CTNNA2: variants seen among roughly 807,000 people sequenced by gnomAD.
The protein encoded by CTNNA2 is catenin alpha 2.
A neutral mutation model predicts 101.0 loss-of-function variants in CTNNA2; 42 were observed. That is an observed-to-expected ratio of 0.42 (90% CI 0.32 to 0.54). CTNNA2 has a LOEUF of 0.54. Ranked by LOEUF, CTNNA2 falls within the 20% of genes least tolerant of loss-of-function variation. The probability of loss-of-function intolerance (pLI) is 0.14; values close to 1 mark genes in which losing one functional copy is unlikely to be tolerated. For missense variants in CTNNA2, 871 were observed against 1,223.1 expected, an observed-to-expected ratio of 0.71 and a Z score of 4.29; for synonymous variants, 450 against 456.4, an observed-to-expected ratio of 0.99 and a Z score of 0.18.
At chr2:80,087,383 C>T (rs1180928726) in intron 7 of CTNNA2, among the ~76,000 whole-genome samples, 4 of 152,012 alleles carry the variant, frequency 2.6e-5, no homozygotes, top group Non-Finnish European at 4.4e-5. Flanking sequence ...ATGTCTGTTT[C>T]CATTAAGAAA....
chr2:80,051,432 A>G (rs1013156543), intron 7 of CTNNA2, among the ~76,000 whole-genome samples: 2 of 152,244 alleles, frequency 1.3e-5, no homozygotes, highest in African/African-American at 4.8e-5. Flanking sequence ...GGACTTAGGT[A>G]AATCTTACTC....
In CTNNA2 at chr2:80,081,135, A is replaced by G. The variant is rs146801318; in HGVS notation, c.1056+171338A>G. ...AAAAGCGTGGTCGGGTGAGGAGCAA[A>G]TGCTTAAAGAACTTCCCCTTAATAA... is the stretch of plus-strand genomic sequence containing the variant. On this transcript the variant is annotated intron_variant, in intron 7 of 18. Coordinates refer to ENST00000402739, the MANE Select transcript of CTNNA2 (RefSeq NM_001282597.3). Among the ~76,000 whole-genome samples, 50 of 151,574 alleles carry G rather than the reference A, an allele frequency of 3.3e-4. 2 individuals are homozygous for G. The East Asian group carries it at 8.7e-3, about 26-fold the overall frequency.
At chr2:80,213,528 G>C (rs1708047168) in intron 7 of CTNNA2, among the ~76,000 whole-genome samples, 1 of 152,190 alleles carries the variant, frequency 6.6e-6, no homozygotes, top group South Asian at 2.1e-4. Flanking sequence ...GCAGTTTTGA[G>C]TGAGTTTCTT....
intron 7 of CTNNA2, among the ~76,000 whole-genome samples, chr2:79,982,442 A>G (rs1691441265): frequency 6.8e-6 from 1 of 147,890 alleles, no homozygotes; most frequent in South Asian, 2.1e-4. Context: ...ACATATATAT[A>G]ACAGAATCTG....
intron 7 of CTNNA2, among the ~76,000 whole-genome samples, chr2:80,285,127 G>GAA (rs1674657028): frequency 6.6e-6 from 1 of 152,096 alleles, no homozygotes; most frequent in Non-Finnish European, 1.5e-5. Flanking sequence ...GCCATGACCT[G>GAA]GCTTCATGGA....
At chr2:79,748,876 GTGT>G (rs1671816324) in intron 3 of CTNNA2, among the ~76,000 whole-genome samples, 1 of 152,048 alleles carries the variant, frequency 6.6e-6, no homozygotes. Context: ...ACTGGAGTAG[GTGT>G]TGTGCTGAAC....
chr2:79,320,150 G>A (rs1319827631), intron 3 of CTNNA2: 1 of 152,092 alleles, frequency 6.6e-6, no homozygotes, highest in African/African-American at 2.4e-5. Flanking sequence ...CAGAGACCAG[G>A]CAGCTTCATC....
chr2:79,905,092 T>C (rs1208375766), intron 6 of CTNNA2, among the ~76,000 whole-genome samples: 1 of 152,196 alleles, frequency 6.6e-6, no homozygotes, highest in Non-Finnish European at 1.5e-5. Flanking sequence ...TGAATTATTG[T>C]GGCTGTTATC....
At chr2:80,364,563 T>A (rs1674730088) in intron 7 of CTNNA2, among the ~76,000 whole-genome samples, 2 of 148,986 alleles carry the variant, frequency 1.3e-5, no homozygotes, top group South Asian at 4.2e-4. Flanking sequence ...GTAATTTTTT[T>A]TTTTTTTTTT....
chr2:80,586,437 T>C (rs1695977150), intron 14 of CTNNA2: 1 of 152,180 alleles, frequency 6.6e-6, no homozygotes. Context: ...GCGAATGTTT[T>C]AAATGATGCT....
At chr2:79,505,493 T>C (rs960064434) in intron 5 of CTNNA2, among the ~76,000 whole-genome samples, 3 of 152,222 alleles carry the variant, frequency 2.0e-5, no homozygotes, top group Non-Finnish European at 4.4e-5. Flanking sequence ...TAGTTATTTT[T>C]CAGAATCCAT....
In CTNNA2 at chr2:80,601,706, T is replaced by G. The variant is rs948030199; in HGVS notation, c.2190-2368T>G. 6.6e-5 allele frequency: 10 copies of G among 152,180 alleles called. No individual in the cohort carries two copies. In the South Asian group the frequency reaches 2.1e-3, roughly 31 times the overall value. The allele number at this position is 152,180 out of a possible 1,614,324, so 9.4% of individuals were successfully genotyped here. A position where few individuals can be genotyped will look rare whatever the true frequency, so the allele number is the denominator to read the frequency against. ...TTCTAAATATATTTTCTATATCTTT[T>G]TGGTTTAGAGCTAGTTTTAGGATTT... On this transcript the variant is annotated intron_variant, in intron 15 of 18. Coordinates refer to ENST00000402739, the MANE Select transcript of CTNNA2 (RefSeq NM_001282597.3).
intron 3 of CTNNA2, among the ~76,000 whole-genome samples, chr2:79,799,283 C>G (rs1000959184): frequency 3.3e-5 from 5 of 150,996 alleles, no homozygotes; most frequent in Non-Finnish European, 7.4e-5. Context: ...AGATATGTAT[C>G]GAGATGCCTT....
intron 7 of CTNNA2, among the ~76,000 whole-genome samples, chr2:80,344,330 G>T (rs1672522942): frequency 6.6e-6 from 1 of 151,958 alleles, no homozygotes; most frequent in Non-Finnish European, 1.5e-5. Context: ...CACACCCTTA[G>T]TGATCTTCTC....
chr2:79,709,845 C>A (rs376621267), intron 2 of CTNNA2, among the ~76,000 whole-genome samples: 2 of 152,134 alleles, frequency 1.3e-5, no homozygotes, highest in South Asian at 4.2e-4. Flanking sequence ...ATTGCAGCCC[C>A]TTTTGTGAGG....
chr2:79,989,301 T>C (rs1691997187), intron 7 of CTNNA2, among the ~76,000 whole-genome samples: 1 of 152,198 alleles, frequency 6.6e-6, no homozygotes, highest in African/African-American at 2.4e-5. Context: ...TAGAAGCACT[T>C]CTTCCTCTTC....
chr2:79,681,953 C>T (rs1329375522), intron 2 of CTNNA2, among the ~76,000 whole-genome samples: 2 of 152,124 alleles, frequency 1.3e-5, no homozygotes, highest in Non-Finnish European at 2.9e-5. Flanking sequence ...TATTCTTCTT[C>T]CTACGAAGTG....
At chr2:79,270,619 C>G (rs903430910) in intron 2 of CTNNA2, among the ~76,000 whole-genome samples, 13 of 151,950 alleles carry the variant, frequency 8.6e-5, no homozygotes, top group African/African-American at 3.1e-4. Flanking sequence ...GCTCCCACCT[C>G]TCAGGCATTT....
At chr2:80,433,442 GC>G (rs778766616) in intron 9 of CTNNA2, among the ~76,000 whole-genome samples, 4 of 152,016 alleles carry the variant, frequency 2.6e-5, no homozygotes, top group Non-Finnish European at 5.9e-5. Context: ...ATTAAAGCGG[GC>G]CCCATTCTTG....
Sources: gnomAD v4.1 joint callset for allele counts (sites outside exome capture counted in the v4.1 genomes callset) on GRCh38, gnomAD v4.1.1 for gene constraint, MANE v1.5 for transcripts, NCBI Gene and HGNC (gene_info 2026-07-23, HGNC 2026-07-21) for gene names.